TRIO: variants seen among roughly 807,000 people sequenced by gnomAD.
TRIO encodes triple functional domain protein.
A neutral mutation model predicts 351.9 loss-of-function variants in TRIO; 58 were observed. The ratio of observed to expected loss-of-function variants is 0.16; its 90% confidence interval spans 0.13 to 0.21. TRIO has a LOEUF of 0.21. Among genes scored for constraint, TRIO ranks in the 10% least tolerant of loss-of-function variants. The pLI, the probability that TRIO is intolerant of heterozygous loss-of-function variation, is 1.00. For synonymous variants in TRIO, 1,758 were observed against 1,595.7 expected (o/e 1.10, Z -2.42); for missense variants, 3,201 against 4,027.8 (o/e 0.79, Z 5.56).
At chr5:14,488,802 C>T in intron 48 of TRIO, 1 of 621,200 alleles carries the variant, frequency 1.6e-6, no homozygotes, top group South Asian at 1.8e-5. Flanking sequence ...AAGAATCTGT[C>T]CACTGGGAAC....
chr5:14,441,200 G>C (rs6872193), intron 34 of TRIO: 3,446 of 152,922 alleles, frequency 0.023, 124 homozygotes, highest in African/African-American at 0.079. Flanking sequence ...TGGAGGGAGA[G>C]GTAGGATAGG....
At position 14,326,632 on chromosome 5, in the gene TRIO, A is replaced by C. The variant is rs556647562; in HGVS notation, c.1732-4146A>C. ...ATCTGGAAGGGAAGCAGCAAGCCCC[A>C]GGCCAGCCTTATTGTCTGTGGAGTT... On this transcript the variant is annotated intron_variant, in intron 9 of 56. Transcript: ENST00000344204. Among the ~76,000 whole-genome samples, 559 of 152,338 alleles carry C rather than the reference A, an allele frequency of 3.7e-3. 5 individuals carry two copies. Among genetic ancestry groups the C allele is most frequent in the African/African-American group, 0.013 (530 of 41,580 alleles).
intron 21 of TRIO, among the ~76,000 whole-genome samples, chr5:14,386,834 A>G (rs1746586120): frequency 6.6e-6 from 1 of 151,684 alleles, no homozygotes; most frequent in African/African-American, 2.4e-5. Context: ...CAAAATTTAC[A>G]GTACCTCTAT....
intron 1 of TRIO, among the ~76,000 whole-genome samples, chr5:14,191,777 A>G (rs1189473513): frequency 6.6e-6 from 1 of 152,222 alleles, no homozygotes; most frequent in East Asian, 1.9e-4. Flanking sequence ...CGCAGACTGG[A>G]AAAGATAATT....
rs1303907153 is a variant in TRIO, at chr5:14,274,278, A to G, written c.232+3379A>G. On this transcript the variant is annotated intron_variant, in intron 2 of 56. Coordinates refer to ENST00000344204, the MANE Select transcript of TRIO (RefSeq NM_007118.4). The stretch of plus-strand genomic sequence containing the variant: ...CAGGTGTCTTCCTGTGGATTTTCCT[A>G]TAGTGTAGATTTTGCTGGTTGTATC... Among the ~76,000 whole-genome samples the G allele has an allele frequency of 5.9e-5, 9 of 152,270 alleles. No individual in the cohort carries two copies. The East Asian group carries it at 9.6e-4, about 16-fold the overall frequency.
chr5:14,430,289 GTC>G (rs1330445964), intron 34 of TRIO, among the ~76,000 whole-genome samples: 1 of 149,962 alleles, frequency 6.7e-6, no homozygotes, highest in Non-Finnish European at 1.5e-5. Flanking sequence ...TATATCTTGA[GTC>G]TCTGTGTGAC....
At chr5:14,170,508 CTTTTTT>C (rs3994019) in intron 1 of TRIO, among the ~76,000 whole-genome samples, 5 of 133,784 alleles carry the variant, frequency 3.7e-5, no homozygotes, top group African/African-American at 8.5e-5. Context: ...GCTTCTCTCT[CTTTTTT>C]TTTTTTTTTT....
At chr5:14,493,800 C>T (rs898142713) in intron 49 of TRIO, among the ~76,000 whole-genome samples, 1 of 152,178 alleles carries the variant, frequency 6.6e-6, no homozygotes, top group Non-Finnish European at 1.5e-5. Context: ...ATTGTAAATG[C>T]AAAGGAAATA....
chr5:14,286,613 G>A lies in TRIO; in HGVS notation c.348-258G>A, dbSNP rs746484025. Among the ~76,000 whole-genome samples, 55 of 152,174 alleles carry A rather than the reference G, an allele frequency of 3.6e-4. No individual in the cohort carries two copies. The highest frequency in any genetic ancestry group is 3.5e-4 in the Non-Finnish European group (24 of 68,030). ...ACCGTTGTTTTCCTGAAAAGAAGACGGGATGCAAAACCATTAATACAAAAT... is the reference window on the plus strand; with the variant it reads ...ACCGTTGTTTTCCTGAAAAGAAGACAGGATGCAAAACCATTAATACAAAAT... On this transcript the variant is annotated intron_variant, in intron 3 of 56. Coordinates refer to ENST00000344204, the MANE Select transcript of TRIO (RefSeq NM_007118.4). The surrounding 1 kb of genome is among the most constrained non-coding windows in gnomAD (Gnocchi z 4.4).
chr5:14,326,787 A>G (rs1255921954), intron 9 of TRIO, among the ~76,000 whole-genome samples: 1 of 152,220 alleles, frequency 6.6e-6, no homozygotes, highest in African/African-American at 2.4e-5. Context: ...TTTCACAAGC[A>G]TGTCTTTAAA....
chr5:14,388,098 G>GTTGATGA, intron 23 of TRIO: 1 of 506,828 alleles, frequency 2.0e-6, no homozygotes. Flanking sequence ...GTCATTAATA[G>GTTGATGA]ATAGTGACAC....
intron 41 of TRIO, 108 bp downstream of exon 41, chr5:14,477,071 T>C: frequency 2.1e-6 from 2 of 949,012 alleles, no homozygotes; most frequent in Admixed American, 5.2e-5. Flanking sequence ...GTGCGTATGT[T>C]TAAGATAAAA....
chr5:14,342,115 G>A (rs1451346314), intron 11 of TRIO, among the ~76,000 whole-genome samples: 1 of 152,066 alleles, frequency 6.6e-6, no homozygotes, highest in Non-Finnish European at 1.5e-5. Context: ...GGGAAAAGAG[G>A]GAGAAAGCCA....
intron 34 of TRIO, among the ~76,000 whole-genome samples, chr5:14,456,539 C>T (rs996502962): frequency 6.6e-6 from 1 of 152,230 alleles, no homozygotes; most frequent in African/African-American, 2.4e-5. Context: ...AGTAAGGACA[C>T]AGTGCCAAAA....
chr5:14,269,176 G>A (rs1795853026), intron 1 of TRIO, among the ~76,000 whole-genome samples: 1 of 152,164 alleles, frequency 6.6e-6, no homozygotes, highest in South Asian at 2.1e-4. Flanking sequence ...AGCCGGATGT[G>A]TTTGCTGTGA....
intron 1 of TRIO, among the ~76,000 whole-genome samples, chr5:14,215,110 A>G (rs1792138598): frequency 1.3e-5 from 2 of 152,232 alleles, no homozygotes; most frequent in South Asian, 4.1e-4. Context: ...TTTAGACCAA[A>G]AAAAGCAGCC....
In TRIO at chr5:14,290,799, C is replaced by T; in HGVS notation, c.624C>T (p.Tyr208=). 4.3e-6 allele frequency: 7 copies of T among 1,614,120 alleles called. No homozygotes were observed. The highest frequency in any genetic ancestry group is 5.9e-6 in the Non-Finnish European group (7 of 1,180,026). ...CTGAGTTTGATGGCTGCCTGGAATA[C>T]AACCACGAAGAATGGATTGAAATCA... is the stretch of plus-strand genomic sequence containing the variant. ...LTPEFDGCLE[Y]NHEEWIEIRV... Residue 208 remains tyrosine (Y), a synonymous_variant, in exon 5 of 57, where the codon TAC becomes TAT. Transcript: ENST00000344204.
chr5:14,348,040 A>G (rs572667526), intron 11 of TRIO, among the ~76,000 whole-genome samples: 1 of 152,326 alleles, frequency 6.6e-6, no homozygotes, highest in Admixed American at 6.5e-5. Context: ...CATGCCCCCA[A>G]ATAACTCCTT....
At chr5:14,472,221 G>A (rs907130644) in intron 38 of TRIO, among the ~76,000 whole-genome samples, 2 of 152,254 alleles carry the variant, frequency 1.3e-5, no homozygotes, top group African/African-American at 2.4e-5. Context: ...AGTTTTTCTT[G>A]TATAGCCAGT....
Sources: gnomAD v4.1 joint callset for allele counts (sites outside exome capture counted in the v4.1 genomes callset) on GRCh38, gnomAD v4.1.1 for gene constraint, Gnocchi (gnomAD v3.1) non-coding constraint, MANE v1.5 for transcripts, NCBI Gene and HGNC (gene_info 2026-07-23, HGNC 2026-07-21) for gene names.